The following GMCL1 variants were observed in gnomAD, a reference collection of about 807,000 sequenced individuals.
The protein encoded by GMCL1 is germ cell-less 1, spermatogenesis associated.
In GMCL1, 54 loss-of-function variants were observed where a neutral mutation model predicts 75.5. The observed-to-expected ratio is 0.71, with a 90% CI of 0.57 to 0.90. The LOEUF (loss-of-function observed/expected upper bound fraction) is 0.90. GMCL1 is among the 40% of genes least tolerant of loss of function. The pLI is 0.00. For synonymous variants in GMCL1, 210 were observed against 209.6 expected, an observed-to-expected ratio of 1.00 and a Z score of -0.02; for missense variants, 537 against 622.7, an observed-to-expected ratio of 0.86 and a Z score of 1.47.
At chr2:69,871,154 ATG>A (rs779394570) in intron 12 of GMCL1, among the ~76,000 whole-genome samples, 10,348 of 152,266 alleles carry the variant, frequency 0.068, 922 homozygotes, top group Admixed American at 0.22. Flanking sequence ...GAGAAACAAA[ATG>A]TGGTATATAC....
At chr2:69,870,643 A>T (rs1327517444) in intron 12 of GMCL1, among the ~76,000 whole-genome samples, 2 of 152,124 alleles carry the variant, frequency 1.3e-5, no homozygotes, top group African/African-American at 4.8e-5. Context: ...ATATATAGAA[A>T]ACTCCTACAA....
At chr2:69,869,129 A>T (rs1309891175) in intron 11 of GMCL1, among the ~76,000 whole-genome samples, 1 of 151,822 alleles carries the variant, frequency 6.6e-6, no homozygotes. Context: ...CATGCCTGTA[A>T]TCCCAGCTAC....
intron 1 of GMCL1, among the ~76,000 whole-genome samples, chr2:69,831,043 C>A (rs917752466): frequency 1.3e-5 from 2 of 152,034 alleles, no homozygotes; most frequent in Admixed American, 6.5e-5. Context: ...CTCAGCCTCC[C>A]GAGTAGCTGG....
rs762323271 is a variant in GMCL1, at chr2:69,844,114, A to G, written c.693-17A>G. On this transcript the variant is annotated splice_polypyrimidine_tract_variant and intron_variant, in intron 5 of 13. Transcript: ENST00000282570. ...ATACATGGCATATAATGTAATAATT[A>G]TATATTTTAATTTCAGGTGCCTTGA... 9 of 1,336,638 alleles carry G rather than the reference A, an allele frequency of 6.7e-6. No homozygotes were observed. The South Asian group carries it at 1.2e-4, about 18-fold the overall frequency. The allele number at this position is 1,336,638 out of a possible 1,614,324, so 82.8% of individuals were successfully genotyped here. A position where few individuals can be genotyped will look rare whatever the true frequency, so the allele number is the denominator to read the frequency against.
intron 1 of GMCL1, among the ~76,000 whole-genome samples, chr2:69,831,412 A>C (rs1463914630): frequency 6.6e-6 from 1 of 152,042 alleles, no homozygotes; most frequent in African/African-American, 2.4e-5. Flanking sequence ...TAACTTTTTT[A>C]ATTGTTTGTT....
intron 1 of GMCL1, among the ~76,000 whole-genome samples, chr2:69,831,041 C>G (rs1171389275): frequency 5.3e-5 from 8 of 152,204 alleles, no homozygotes; most frequent in East Asian, 1.9e-4. Context: ...GCCTCAGCCT[C>G]CCGAGTAGCT....
chr2:69,860,861 G>T (rs1283821352), intron 9 of GMCL1, among the ~76,000 whole-genome samples: 3 of 151,742 alleles, frequency 2.0e-5, no homozygotes, highest in African/African-American at 7.3e-5. Context: ...TTGATTGTTT[G>T]AGACAGAGTC....
chr2:69,833,322 AT>A (rs1377504277), intron 1 of GMCL1, among the ~76,000 whole-genome samples: 1 of 152,158 alleles, frequency 6.6e-6, no homozygotes, highest in Non-Finnish European at 1.5e-5. Flanking sequence ...GTGTAAGAAA[AT>A]ACTAAGACGG....
At chr2:69,864,244 C>T (rs1675743521) in intron 10 of GMCL1, among the ~76,000 whole-genome samples, 1 of 151,410 alleles carries the variant, frequency 6.6e-6, no homozygotes, top group Non-Finnish European at 1.5e-5. Context: ...TATTATTGTA[C>T]CCAATTTCTA....
intron 13 of GMCL1, among the ~76,000 whole-genome samples, chr2:69,877,819 A>G (rs1376798468): frequency 6.6e-6 from 1 of 152,122 alleles, no homozygotes; most frequent in East Asian, 1.9e-4. Context: ...AGTCTGCTTC[A>G]GTCACACAGA....
chr2:69,856,755 A>G (rs1675481020), intron 9 of GMCL1, among the ~76,000 whole-genome samples: 1 of 146,892 alleles, frequency 6.8e-6, no homozygotes, highest in African/African-American at 2.5e-5. Flanking sequence ...CCACCGTCCT[A>G]GCCCCCTCAG....
intron 12 of GMCL1, 61 bp downstream of exon 12, chr2:69,869,925 C>A (rs1483052827): frequency 9.8e-6 from 15 of 1,530,058 alleles, no homozygotes; most frequent in Non-Finnish European, 1.3e-5. Context: ...AGAAATAAAA[C>A]CTTGATAATT....
At position 69,841,150 on chromosome 2, in the gene GMCL1, A is replaced by G. The variant is rs57032153; in HGVS notation, c.579+111A>G. On this transcript the variant is annotated intron_variant, in intron 4 of 13. Coordinates refer to ENST00000282570, the MANE Select transcript of GMCL1 (RefSeq NM_178439.5). ...GCTTTTTTGGAGTTTTTAAATAAAA[A>G]TGAAATGTATAAATATGACATTTAT... The G allele has an allele frequency of 1.4e-3, 920 of 677,330 alleles. 8 individuals are homozygous for G. In the African/African-American group the frequency reaches 0.015, roughly 11 times the overall value. The allele number at this position is 677,330 out of a possible 1,614,324, so 42.0% of individuals were successfully genotyped here. A position where few individuals can be genotyped will look rare whatever the true frequency, so the allele number is the denominator to read the frequency against.
Position 69,847,608 on chromosome 2 carries a change from T to C in GMCL1, c.824T>C (p.Ile275Thr). 1 of 1,605,494 alleles carries C rather than the reference T, an allele frequency of 6.2e-7. No individual in the cohort carries two copies. The highest frequency in any genetic ancestry group is 1.1e-5 in the South Asian group (1 of 90,832). ...TTTGTGATGCAAGTGGAGATGGATATATACACTGCTCTAAAAAAGGTACTG... is the reference window on the plus strand; with the variant it reads ...TTTGTGATGCAAGTGGAGATGGATACATACACTGCTCTAAAAAAGGTACTG... ...NLFVMQVEMDIYTALKKWMFL... is the reference protein window; with the variant it reads ...NLFVMQVEMDTYTALKKWMFL... Residue 275 changes from isoleucine (I) to threonine (T), a missense_variant, in exon 7 of 14, where the codon ATA (isoleucine) becomes ACA (threonine). By Grantham distance (89) the Ile-to-Thr change is moderately conservative (BLOSUM62 -1). Around this residue, in one of 3 missense-constraint regions of GMCL1, gnomAD observed 345 missense variants for 410.5 expected, o/e 0.84. Coordinates refer to ENST00000282570, the MANE Select transcript of GMCL1 (RefSeq NM_178439.5).
chr2:69,869,648 A>G (rs1428525517), intron 11 of GMCL1, 71 bp from the exon 12 acceptor site: 3 of 1,471,232 alleles, frequency 2.0e-6, no homozygotes, highest in African/African-American at 1.4e-5. Context: ...ACAAAAAGAC[A>G]TTTTGAATTT....
chr2:69,850,452 G>A (rs915701015), intron 8 of GMCL1, among the ~76,000 whole-genome samples: 4 of 152,012 alleles, frequency 2.6e-5, no homozygotes, highest in Admixed American at 6.6e-5. Context: ...TCCTTAGTTC[G>A]TGATTTTCTT....
In GMCL1 at chr2:69,830,015, C is replaced by T. The variant is rs970921391; in HGVS notation, c.123C>T (p.His41=). The T allele has an allele frequency of 3.2e-6, 5 of 1,564,460 alleles. No individual in the cohort carries two copies. In the African/African-American group the frequency reaches 5.4e-5, roughly 17 times the overall value. The change falls in exon 1 of 14, where the codon CAC becomes CAT. Residue 41 remains histidine (H), a synonymous_variant. Transcript: ENST00000282570. The stretch of plus-strand genomic sequence containing the variant: ...ACACTGGAGACGATGCGGCGGGCCA[C>T]GGATTCTGTTACTGTGCGGGCAGCC... ...RPDTGDDAAG[H]GFCYCAGSHK... is the part of the protein sequence containing the mutation.
intron 9 of GMCL1, among the ~76,000 whole-genome samples, chr2:69,859,740 T>A (rs1199636083): frequency 4.8e-5 from 2 of 41,878 alleles, no homozygotes; most frequent in African/African-American, 1.3e-4. Flanking sequence ...TCTCTCTCTC[T>A]CTAAAAAAAA....
At chr2:69,843,340 C>T (rs1027604555) in intron 5 of GMCL1, 79 bp downstream of exon 5, 1 of 678,144 alleles carries the variant, frequency 1.5e-6, no homozygotes, top group African/African-American at 1.9e-5. Flanking sequence ...GAATGTATAG[C>T]TATAAGAAAG....
Sources: gnomAD v4.1 joint callset for allele counts (sites outside exome capture counted in the v4.1 genomes callset) on GRCh38, gnomAD v4.1.1 for gene constraint, gnomAD v4.1.1 regional missense constraint, MANE v1.5 for transcripts, NCBI Gene and HGNC (gene_info 2026-07-23, HGNC 2026-07-21) for gene names.